The following STK39 variants were observed in gnomAD, a reference collection of about 807,000 sequenced individuals.
The protein encoded by STK39 is STE20/SPS1-related proline-alanine-rich protein kinase.
A neutral mutation model predicts 77.8 loss-of-function variants in STK39; 20 were observed. The ratio of observed to expected loss-of-function variants is 0.26; its 90% CI spans 0.18 to 0.37. STK39 has a LOEUF of 0.37. Ranked by LOEUF, STK39 falls within the 10% of genes least tolerant of loss-of-function variation. The probability of loss-of-function intolerance (pLI) is 1.00; values close to 1 mark genes in which losing one functional copy is unlikely to be tolerated. For synonymous variants in STK39, 246 were observed against 234.1 expected (o/e 1.05, Z -0.47); for missense variants, 479 against 656.5 (o/e 0.73, Z 2.95).
Position 168,163,893 on chromosome 2 carries a change from A to G in STK39, c.431-13T>C. 2 of 1,610,460 alleles carry G rather than the reference A, an allele frequency of 1.2e-6. No individual in the cohort carries two copies. The highest frequency in any genetic ancestry group is 1.7e-6 in the Non-Finnish European group (2 of 1,178,760). ...TCCAACATTGAACCTAAGTAGACAA[A>G]CAGAAGAATTAAAACATAAGCACCT... is the stretch of plus-strand genomic sequence containing the variant. On this transcript the variant is annotated splice_polypyrimidine_tract_variant and intron_variant, in intron 3 of 17. Transcript: ENST00000355999.
At chr2:168,094,182 C>T (rs1398665531) in intron 10 of STK39, among the ~76,000 whole-genome samples, 8 of 152,162 alleles carry the variant, frequency 5.3e-5, no homozygotes, top group African/African-American at 1.9e-4. Flanking sequence ...TCTGTGGGGA[C>T]CACTACCCTC....
chr2:168,049,127 G>A (rs574225432), intron 14 of STK39, among the ~76,000 whole-genome samples: 1 of 152,278 alleles, frequency 6.6e-6, no homozygotes, highest in South Asian at 2.1e-4. Context: ...AAAACAGTGT[G>A]AAATAAGCAC....
intron 1 of STK39, among the ~76,000 whole-genome samples, chr2:168,209,245 A>C (rs1689820107): frequency 6.6e-6 from 1 of 152,226 alleles, no homozygotes; most frequent in African/African-American, 2.4e-5. Context: ...AATAACTTTT[A>C]ATAAGTTAGA....
At chr2:168,194,507 G>A (rs1365275285) in intron 1 of STK39, among the ~76,000 whole-genome samples, 1 of 152,096 alleles carries the variant, frequency 6.6e-6, no homozygotes, top group Non-Finnish European at 1.5e-5. Flanking sequence ...TTTATTATTT[G>A]ATTTTTTGGG....
chr2:168,166,999 G>A (rs975924005), intron 3 of STK39, among the ~76,000 whole-genome samples: 2 of 152,250 alleles, frequency 1.3e-5, no homozygotes, highest in Non-Finnish European at 2.9e-5. Context: ...AAGAGGACAG[G>A]TCAGGGGCAA....
Position 168,098,731 on chromosome 2 carries a change from A to G in STK39, c.1090-23500T>C, listed in dbSNP as rs188383344. ...TCTTCCTAACATTGCCTTTAAGTCA[A>G]AAAGTGACGGCATAAGATTGTGTTT... On this transcript the variant is annotated intron_variant, in intron 10 of 17. Coordinates refer to ENST00000355999, the MANE Select transcript of STK39 (RefSeq NM_013233.3). Among the ~76,000 whole-genome samples, 12 of 152,288 alleles carry G rather than the reference A, an allele frequency of 7.9e-5. No individual in the cohort carries two copies. In the East Asian group the frequency reaches 1.3e-3, roughly 17 times the overall value.
At chr2:168,150,812 T>C (rs1185985162) in intron 5 of STK39, among the ~76,000 whole-genome samples, 1 of 152,060 alleles carries the variant, frequency 6.6e-6, no homozygotes, top group African/African-American at 2.4e-5. Flanking sequence ...AGTAATCAGT[T>C]ATTCACACAC....
chr2:168,028,609 G>A (rs956684599), intron 14 of STK39, among the ~76,000 whole-genome samples: 12 of 152,130 alleles, frequency 7.9e-5, no homozygotes, highest in African/African-American at 2.9e-4. Flanking sequence ...TTTTGTAGCA[G>A]GAAAAAATGT....
chr2:168,173,709 C>T (rs1688885798), intron 2 of STK39, among the ~76,000 whole-genome samples: 1 of 152,064 alleles, frequency 6.6e-6, no homozygotes, highest in Admixed American at 6.6e-5. Context: ...AGGTGTGTGC[C>T]ACCTAATTTT....
chr2:168,174,517 T>C (rs894743413), intron 2 of STK39, among the ~76,000 whole-genome samples: 1 of 152,118 alleles, frequency 6.6e-6, no homozygotes, highest in African/African-American at 2.4e-5. Context: ...AATAGGAAGA[T>C]GCCATTTTCT....
chr2:168,238,465 G>C (rs1517319), intron 1 of STK39, among the ~76,000 whole-genome samples: 79,631 of 152,074 alleles, frequency 0.52, 21,637 homozygotes, highest in East Asian at 0.67. Context: ...TGAAAATAAA[G>C]TCAGGGATAA....
intron 1 of STK39, among the ~76,000 whole-genome samples, chr2:168,182,426 C>T (rs1689104030): frequency 6.6e-6 from 1 of 152,166 alleles, no homozygotes; most frequent in Non-Finnish European, 1.5e-5. Flanking sequence ...AGCTCTTCTT[C>T]CACCTCAGCC....
Position 168,050,278 on chromosome 2 carries a change from A to G in STK39, c.1376+13222T>C, listed in dbSNP as rs60606293. Among the ~76,000 whole-genome samples, 372 of 152,338 alleles carry G rather than the reference A, an allele frequency of 2.4e-3. 1 individual carries two copies. Among genetic ancestry groups the G allele is most frequent in the African/African-American group, 8.6e-3 (356 of 41,588 alleles). ...CCAAGAAATGTGGGACCAGGAAGCA[A>G]GCATAATAAAAATTAGAAATTATAT... is the stretch of plus-strand genomic sequence containing the variant. On this transcript the variant is annotated intron_variant, in intron 14 of 17. Coordinates refer to ENST00000355999, the MANE Select transcript of STK39 (RefSeq NM_013233.3).
At chr2:168,087,438 A>G (rs1686397977) in intron 10 of STK39, among the ~76,000 whole-genome samples, 1 of 152,200 alleles carries the variant, frequency 6.6e-6, no homozygotes, top group Non-Finnish European at 1.5e-5. Context: ...TAAGTCCATA[A>G]TTGACTTTAA....
In STK39 at chr2:168,152,449, T is replaced by G. The variant is rs943758453; in HGVS notation, c.628+9338A>C. On this transcript the variant is annotated intron_variant, in intron 5 of 17. Transcript: ENST00000355999. Reference sequence around the variant, plus strand: ...CAAGATAGGTCCTTGGAGAACATCTTGTCAATCTTCCTTACTTTACAACGG... The same window carrying G: ...CAAGATAGGTCCTTGGAGAACATCTGGTCAATCTTCCTTACTTTACAACGG... 7.2e-5 allele frequency among the ~76,000 whole-genome samples: 11 copies of G among 152,218 alleles called. No individual in the cohort carries two copies. The South Asian group carries it at 8.3e-4, about 11-fold the overall frequency.
intron 1 of STK39, among the ~76,000 whole-genome samples, chr2:168,230,925 T>C (rs6735501): frequency 0.38 from 58,245 of 151,966 alleles, 12,093 homozygotes; most frequent in Non-Finnish European, 0.48. Context: ...TGCTTCGGAA[T>C]GAGCCCGTCC....
At chr2:168,246,898 G>A (rs931442355) in intron 1 of STK39, among the ~76,000 whole-genome samples, 16 of 151,736 alleles carry the variant, frequency 1.1e-4, no homozygotes, top group Admixed American at 7.9e-4. Flanking sequence ...CGGCACGCGG[G>A]GGGAGGAAGA....
intron 16 of STK39, among the ~76,000 whole-genome samples, chr2:167,981,877 T>A (rs1039801637): frequency 2.0e-5 from 3 of 152,174 alleles, no homozygotes; most frequent in Non-Finnish European, 2.9e-5. Flanking sequence ...ACACCTCTCC[T>A]TGAAAGACAA....
chr2:168,052,979 A>G (rs1253513662), intron 14 of STK39, among the ~76,000 whole-genome samples: 1 of 152,192 alleles, frequency 6.6e-6, no homozygotes, highest in Admixed American at 6.5e-5. Flanking sequence ...CCCAAGAGCC[A>G]GAACCAGCTC....
Sources: allele counts gnomAD v4.1 joint callset (sites outside exome capture counted in the v4.1 genomes callset), GRCh38; gene constraint gnomAD v4.1.1; transcripts MANE v1.5; gene names NCBI Gene and HGNC (gene_info 2026-07-23, HGNC 2026-07-21).